Variants in GRM5 observed in about 807,000 individuals in gnomAD.
The protein encoded by GRM5 is metabotropic glutamate receptor 5.
A neutral mutation model predicts 83.1 loss-of-function variants in GRM5; 19 were observed. That is an observed-to-expected ratio of 0.23 (90% CI 0.16 to 0.34). GRM5 has a LOEUF of 0.34. Among genes scored for constraint, GRM5 ranks in the 10% least tolerant of loss-of-function variants. The pLI is 1.00. For synonymous variants in GRM5, 675 were observed against 633.6 expected (o/e 1.07, Z -0.98); for missense variants, 1,160 against 1,588.3 (o/e 0.73, Z 4.58).
chr11:88,772,508 G>A (rs1414001912), intron 3 of GRM5, among the ~76,000 whole-genome samples: 2 of 151,206 alleles, frequency 1.3e-5, no homozygotes, highest in Non-Finnish European at 2.9e-5. Context: ...GTGCAGGTTT[G>A]ACACATAGGT....
At chr11:88,882,556 G>A (rs1476771837) in intron 2 of GRM5, among the ~76,000 whole-genome samples, 5 of 136,778 alleles carry the variant, frequency 3.7e-5, no homozygotes, top group Non-Finnish European at 6.6e-5. Flanking sequence ...GCGAGACTCT[G>A]TCTCAAAAAA....
At chr11:88,939,099 T>G (rs1320685717) in intron 2 of GRM5, among the ~76,000 whole-genome samples, 1 of 151,786 alleles carries the variant, frequency 6.6e-6, no homozygotes, top group African/African-American at 2.4e-5. Context: ...AGTTTATGAC[T>G]AATTCATCTG....
chr11:88,739,211 T>C (rs2135414699), intron 3 of GRM5, among the ~76,000 whole-genome samples: 1 of 152,150 alleles, frequency 6.6e-6, no homozygotes, highest in African/African-American at 2.4e-5. Flanking sequence ...TAAACAAGAC[T>C]TACAAAAATC....
intron 3 of GRM5, among the ~76,000 whole-genome samples, chr11:88,788,045 A>C (rs1423293263): frequency 1.3e-5 from 2 of 152,084 alleles, no homozygotes; most frequent in African/African-American, 4.8e-5. Context: ...TGTTTTATAA[A>C]TGTTGCCCTG....
In GRM5 at chr11:89,026,910, C is replaced by G. The variant is rs958139936; in HGVS notation, c.661+20302G>C. 3.3e-5 allele frequency among the ~76,000 whole-genome samples: 5 copies of G among 152,164 alleles called. No individual in the cohort carries two copies. The South Asian group carries it at 8.3e-4, about 25-fold the overall frequency. The stretch of plus-strand genomic sequence containing the variant: ...CATATGTTTTAAGTAACCCATGTGA[C>G]GAAGTGGAGGTGTTGAAGTAAGGAA... On this transcript the variant is annotated intron_variant, in intron 2 of 9. Transcript: ENST00000305447.
At chr11:88,846,534 G>T (rs887223232) in intron 3 of GRM5, among the ~76,000 whole-genome samples, 1 of 152,228 alleles carries the variant, frequency 6.6e-6, no homozygotes, top group African/African-American at 2.4e-5. Flanking sequence ...GGATGAGGTT[G>T]TCTCAGCAGC....
intron 8 of GRM5, among the ~76,000 whole-genome samples, chr11:88,555,456 T>C (rs146317712): frequency 6.6e-6 from 1 of 152,308 alleles, no homozygotes; most frequent in East Asian, 1.9e-4. Context: ...AGCCTCATTA[T>C]ATTCACCATG....
At chr11:88,822,674 C>T (rs1327168412) in intron 3 of GRM5, among the ~76,000 whole-genome samples, 1 of 151,992 alleles carries the variant, frequency 6.6e-6, no homozygotes, top group East Asian at 1.9e-4. Flanking sequence ...ATTGACTCTT[C>T]CGGTTCCTGA....
chr11:88,683,667 T>C (rs1940550556), intron 3 of GRM5, among the ~76,000 whole-genome samples: 1 of 152,238 alleles, frequency 6.6e-6, no homozygotes, highest in Non-Finnish European at 1.5e-5. Context: ...TTTCTGCTCT[T>C]GTGTGAAATT....
intron 9 of GRM5, among the ~76,000 whole-genome samples, chr11:88,514,931 C>T (rs1202044567): frequency 1.3e-5 from 2 of 152,162 alleles, no homozygotes; most frequent in East Asian, 3.9e-4. Context: ...TTTCACCTCT[C>T]TCTTAAGTAG....
intron 3 of GRM5, among the ~76,000 whole-genome samples, chr11:88,787,523 T>C (rs1943096601): frequency 6.6e-6 from 1 of 152,094 alleles, no homozygotes; most frequent in Non-Finnish European, 1.5e-5. Context: ...TTCCTATAGA[T>C]TTTAAAGAGT....
At chr11:88,858,332 C>A (rs1944507407) in intron 2 of GRM5, among the ~76,000 whole-genome samples, 1 of 151,948 alleles carries the variant, frequency 6.6e-6, no homozygotes, top group Middle Eastern at 3.2e-3. Context: ...TATGCATCGC[C>A]CCACTCGTGG....
intron 2 of GRM5, among the ~76,000 whole-genome samples, chr11:88,858,888 G>A (rs1415815089): frequency 1.3e-5 from 2 of 152,008 alleles, no homozygotes; most frequent in Non-Finnish European, 2.9e-5. Flanking sequence ...GGAGTCCTCA[G>A]TATATGGATA....
intron 2 of GRM5, among the ~76,000 whole-genome samples, chr11:88,989,442 G>C (rs1427744972): frequency 1.8e-5 from 2 of 112,416 alleles, no homozygotes; most frequent in East Asian, 5.3e-4. Context: ...GTCAACATTA[G>C]ACAGATCAAC....
At chr11:88,852,486 CCAAAA>C (rs1478725426) in intron 2 of GRM5, among the ~76,000 whole-genome samples, 1 of 151,924 alleles carries the variant, frequency 6.6e-6, no homozygotes, top group Non-Finnish European at 1.5e-5. Flanking sequence ...ACTGGAGCAT[CCAAAA>C]CAAAACAGTG....
At position 88,567,880 on chromosome 11, in the gene GRM5, G is replaced by A. The variant is rs758496680; in HGVS notation, c.1803C>T (p.Phe601=). Residue 601 remains phenylalanine (F), a synonymous_variant, in exon 8 of 10, where the codon TTC becomes TTT. Transcript: ENST00000305447. The surrounding 1 kb of genome is among the most constrained non-coding windows in gnomAD (Gnocchi z 7.3). The part of the protein sequence containing the change: ...LLATLFVTVV[F]IIYRDTPVVK... Reference sequence around the variant, plus strand: ...CTACTGGTGTATCACGGTAAATGATGAAGACTACAGTAACAAACAGGGTGG... The same window carrying A: ...CTACTGGTGTATCACGGTAAATGATAAAGACTACAGTAACAAACAGGGTGG... The A allele has an allele frequency of 1.2e-6, 2 of 1,613,738 alleles. No homozygotes were observed. The highest frequency in any genetic ancestry group is 8.5e-7 in the Non-Finnish European group (1 of 1,179,606).
At chr11:88,661,449 G>A (rs1939903662) in intron 3 of GRM5, among the ~76,000 whole-genome samples, 1 of 151,810 alleles carries the variant, frequency 6.6e-6, no homozygotes, top group South Asian at 2.1e-4. Context: ...TCATTAGGCT[G>A]CATCTCAGTA....
intron 2 of GRM5, among the ~76,000 whole-genome samples, chr11:88,984,053 C>T (rs771248064): frequency 1.2e-4 from 18 of 152,058 alleles, no homozygotes; most frequent in Non-Finnish European, 2.4e-4. Context: ...TAATAAAAAA[C>T]TTAAAGTTTA....
intron 2 of GRM5, among the ~76,000 whole-genome samples, chr11:88,924,156 A>T (rs1945745350): frequency 6.6e-6 from 1 of 151,618 alleles, no homozygotes; most frequent in Non-Finnish European, 1.5e-5. Context: ...ATAAGAAATA[A>T]TCATTGTTAG....
Sources: gnomAD v4.1 joint callset for allele counts (sites outside exome capture counted in the v4.1 genomes callset) on GRCh38, gnomAD v4.1.1 for gene constraint, Gnocchi (gnomAD v3.1) non-coding constraint, MANE v1.5 for transcripts, NCBI Gene and HGNC (gene_info 2026-07-23, HGNC 2026-07-21) for gene names.